The following LRCH1 variants were observed in gnomAD, a reference collection of about 807,000 sequenced individuals.
LRCH1 encodes leucine-rich repeat and calponin homology domain-containing protein 1.
In LRCH1, 23 loss-of-function variants were observed where a neutral mutation model predicts 94.9. The observed-to-expected ratio is 0.24, with a 90% CI of 0.17 to 0.34. The LOEUF (loss-of-function observed/expected upper bound fraction) is 0.34. LRCH1 is among the 10% of genes least tolerant of loss of function. The pLI, the probability that LRCH1 is intolerant of heterozygous loss-of-function variation, is 1.00. For synonymous variants in LRCH1, 364 were observed against 354.9 expected, an observed-to-expected ratio of 1.03 and a Z score of -0.29; for missense variants, 790 against 945.9, an observed-to-expected ratio of 0.84 and a Z score of 2.16.
intron 13 of LRCH1, among the ~76,000 whole-genome samples, chr13:46,706,811 A>C (rs1304860247): frequency 1.3e-5 from 2 of 152,172 alleles, no homozygotes; most frequent in Non-Finnish European, 2.9e-5. Flanking sequence ...TAATCTTGTA[A>C]AATTAGATTT....
chr13:46,585,337 G>GCTA (rs2050419850), intron 1 of LRCH1, among the ~76,000 whole-genome samples: 1 of 152,090 alleles, frequency 6.6e-6, no homozygotes, highest in Non-Finnish European at 1.5e-5. Flanking sequence ...CAGCACTTTG[G>GCTA]GAGGCCGAGG....
intron 2 of LRCH1, 25 bp downstream of exon 2, chr13:46,650,370 T>G: frequency 6.5e-7 from 1 of 1,541,000 alleles, no homozygotes; most frequent in Non-Finnish European, 8.7e-7. Flanking sequence ...AAAGTTGTAA[T>G]CAAATTCAGT....
chr13:46,598,821 C>T (rs543523012), intron 1 of LRCH1, among the ~76,000 whole-genome samples: 4 of 152,214 alleles, frequency 2.6e-5, no homozygotes, highest in South Asian at 2.1e-4. Flanking sequence ...ATAAAAACCC[C>T]GAAGGTAAAC....
At chr13:46,628,312 A>G (rs2050975396) in intron 1 of LRCH1, among the ~76,000 whole-genome samples, 1 of 152,156 alleles carries the variant, frequency 6.6e-6, no homozygotes, top group Non-Finnish European at 1.5e-5. Flanking sequence ...GCATGAGATC[A>G]TGCAAAGAGA....
At chr13:46,608,392 G>T (rs973322171) in intron 1 of LRCH1, among the ~76,000 whole-genome samples, 10 of 152,274 alleles carry the variant, frequency 6.6e-5, no homozygotes, top group African/African-American at 2.4e-4. Context: ...TGTCATTTGG[G>T]GTAACATTGA....
chr13:46,584,105 G>A (rs930432206), intron 1 of LRCH1, among the ~76,000 whole-genome samples: 32 of 152,090 alleles, frequency 2.1e-4, no homozygotes, highest in Non-Finnish European at 2.9e-5. Flanking sequence ...GAAATTCTAG[G>A]CAATGGGATT....
chr13:46,742,675 A>G lies in LRCH1; in HGVS notation c.*827A>G, dbSNP rs933241923. 3.7e-5 allele frequency: 36 copies of G among 985,422 alleles called. No homozygotes were observed. Among genetic ancestry groups the G allele is most frequent in the Middle Eastern group, 1.0e-3 (2 of 1,914 alleles). 61.0% of individuals were successfully genotyped at this position (985,422 alleles called of 1,614,324 possible). ...CCAGAGAGATTTCTATTTTTGAACAATGGAACGGATCACTGCTTTTTTGCC... is the reference window on the plus strand; with the variant it reads ...CCAGAGAGATTTCTATTTTTGAACAGTGGAACGGATCACTGCTTTTTTGCC... On this transcript the variant is annotated 3_prime_UTR_variant, in exon 20 of 20. Transcript: ENST00000389797.
chr13:46,598,334 A>ATGGC (rs926399716), intron 1 of LRCH1, among the ~76,000 whole-genome samples: 12 of 151,810 alleles, frequency 7.9e-5, no homozygotes, highest in African/African-American at 2.9e-4. Context: ...TCTTGCAGCC[A>ATGGC]GGGTGCCCCA....
At chr13:46,611,594 T>C (rs1032073676) in intron 1 of LRCH1, among the ~76,000 whole-genome samples, 3 of 152,224 alleles carry the variant, frequency 2.0e-5, no homozygotes, top group African/African-American at 7.2e-5. Context: ...TTTTCATCTC[T>C]AAAGTTTATG....
At chr13:46,686,505 G>A (rs1028118720) in intron 5 of LRCH1, among the ~76,000 whole-genome samples, 4 of 152,142 alleles carry the variant, frequency 2.6e-5, no homozygotes, top group Admixed American at 6.5e-5. Flanking sequence ...CAGAAAGGCC[G>A]AGGGAAAGTT....
intron 9 of LRCH1, among the ~76,000 whole-genome samples, chr13:46,695,346 G>A (rs1403587631): frequency 2.6e-5 from 4 of 152,140 alleles, no homozygotes. Flanking sequence ...ACATGTTCTA[G>A]GTAAATCCTT....
chr13:46,558,572 C>CAAAAAAAAAAAAAAAAAAAAAAAAAAAA lies in LRCH1; in HGVS notation c.307+4895_307+4896insAAAAAAAAAAAAAAAAAAAAAAAAAAAA, dbSNP rs575874794. The stretch of plus-strand genomic sequence containing the variant: ...CCAAGACGGTGAAACCCTGTGTCTA[C>CAAAAAAAAAAAAAAAAAAAAAAAAAAAA]AAAAAAAAAAAAAAAAAAAAAAAAA... On this transcript the variant is annotated intron_variant, in intron 1 of 19. Coordinates refer to ENST00000389797, the MANE Select transcript of LRCH1 (RefSeq NM_001164211.2). Among the ~76,000 whole-genome samples, 14 of 34,398 alleles carry CAAAAAAAAAAAAAAAAAAAAAAAAAAAA rather than the reference C, an allele frequency of 4.1e-4. 1 individual carries two copies. Among genetic ancestry groups the CAAAAAAAAAAAAAAAAAAAAAAAAAAAA allele is most frequent in the Non-Finnish European group, 8.2e-4 (14 of 17,008 alleles). 22.6% of individuals were successfully genotyped at this position (34,398 alleles called of 152,430 possible).
chr13:46,718,688 G>C (rs766877451), intron 16 of LRCH1, among the ~76,000 whole-genome samples: 2 of 152,194 alleles, frequency 1.3e-5, no homozygotes, highest in Non-Finnish European at 2.9e-5. Flanking sequence ...GAATCAGCTA[G>C]TGAGAGTTCT....
intron 1 of LRCH1, among the ~76,000 whole-genome samples, chr13:46,612,091 T>C (rs1442339991): frequency 6.6e-6 from 1 of 151,882 alleles, no homozygotes; most frequent in Non-Finnish European, 1.5e-5. Context: ...AGCTAAAGAG[T>C]AGATGAAAAT....
At chr13:46,587,482 AAAAACTT>A (rs1406900003) in intron 1 of LRCH1, among the ~76,000 whole-genome samples, 1 of 152,270 alleles carries the variant, frequency 6.6e-6, no homozygotes, top group African/African-American at 2.4e-5. Flanking sequence ...AGGTATCAGA[AAAAACTT>A]AATAGAGTTT....
intron 2 of LRCH1, among the ~76,000 whole-genome samples, chr13:46,650,892 C>T (rs755880031): frequency 6.6e-6 from 1 of 152,218 alleles, no homozygotes; most frequent in Non-Finnish European, 1.5e-5. Context: ...TCTATCTTTA[C>T]ATCCCGCTAA....
At chr13:46,617,601 G>T (rs930045357) in intron 1 of LRCH1, among the ~76,000 whole-genome samples, 6 of 152,192 alleles carry the variant, frequency 3.9e-5, no homozygotes, top group African/African-American at 1.4e-4. Context: ...TCCCCTGAAG[G>T]TCTCATCCTT....
intron 8 of LRCH1, 117 bp downstream of exon 8, chr13:46,692,758 A>G (rs1870969114): frequency 1.4e-6 from 1 of 703,856 alleles, no homozygotes; most frequent in Non-Finnish European, 2.4e-6. Context: ...CCTATGTACC[A>G]GGTACTGTGT....
intron 1 of LRCH1, among the ~76,000 whole-genome samples, chr13:46,638,208 A>G (rs912744480): frequency 1.3e-5 from 2 of 152,380 alleles, no homozygotes; most frequent in African/African-American, 2.4e-5. Flanking sequence ...ATCGATTCAT[A>G]TAAAATTTAC....
Sources: gnomAD v4.1 joint callset for allele counts (sites outside exome capture counted in the v4.1 genomes callset) on GRCh38, gnomAD v4.1.1 for gene constraint, MANE v1.5 for transcripts, NCBI Gene and HGNC (gene_info 2026-07-23, HGNC 2026-07-21) for gene names.